Variants in LEKR1 observed in about 807,000 individuals in gnomAD.
LEKR1 encodes leucine, glutamate and lysine rich 1.
LEKR1 carries 59 observed loss-of-function variants against 72.4 expected under a neutral mutation model. That is an observed-to-expected ratio of 0.82 (90% CI 0.66 to 1.01). The LOEUF is 1.01. Ranked by LOEUF, LEKR1 falls within the 50% of genes least tolerant of loss-of-function variation. LEKR1 has a pLI of 0.00. For missense variants in LEKR1, 728 were observed against 759.2 expected (o/e 0.96, Z 0.48); for synonymous variants, 257 against 263.2 (o/e 0.98, Z 0.23).
intron 3 of LEKR1, among the ~76,000 whole-genome samples, chr3:156,870,169 G>A (rs1297576561): frequency 2.0e-5 from 3 of 151,954 alleles, no homozygotes; most frequent in African/African-American, 7.2e-5. Context: ...TTTTGCTCAG[G>A]ATTGCTTTGG....
chr3:156,957,329 C>CTGTATATCAGTTATATATAT (rs1476586850), intron 6 of LEKR1, among the ~76,000 whole-genome samples: 8 of 151,898 alleles, frequency 5.3e-5, no homozygotes, highest in Non-Finnish European at 1.0e-4. Context: ...ATTACAGTTA[C>CTGTATATCAGTTATATATAT]ATCAGAATAG....
At chr3:156,963,756 A>C (rs990759217) in intron 6 of LEKR1, among the ~76,000 whole-genome samples, 2 of 152,218 alleles carry the variant, frequency 1.3e-5, no homozygotes, top group African/African-American at 4.8e-5. Flanking sequence ...AAATGAAATT[A>C]CTAAGGCCTA....
chr3:156,997,291 T>A (rs12494440), intron 9 of LEKR1, among the ~76,000 whole-genome samples: 14,233 of 152,224 alleles, frequency 0.094, 740 homozygotes, highest in African/African-American at 0.13. Context: ...TTCCACTTTT[T>A]TCCTTCAGTA....
intron 3 of LEKR1, among the ~76,000 whole-genome samples, chr3:156,871,489 G>A (rs1319368603): frequency 6.6e-6 from 1 of 152,136 alleles, no homozygotes; most frequent in Non-Finnish European, 1.5e-5. Flanking sequence ...GGATGGCTGG[G>A]TCAAATGGTA....
chr3:157,019,406 A>G (rs1303504033), intron 10 of LEKR1, among the ~76,000 whole-genome samples: 1 of 152,216 alleles, frequency 6.6e-6, no homozygotes, highest in African/African-American at 2.4e-5. Flanking sequence ...TTTAAAAACA[A>G]TGCTCTGAAT....
At chr3:157,024,658 T>A in intron 10 of LEKR1, 102 bp from the exon 11 acceptor site, 1 of 903,338 alleles carries the variant, frequency 1.1e-6, no homozygotes, top group South Asian at 1.7e-5. Flanking sequence ...TAATTAAAAA[T>A]TTAATGTCAG....
At chr3:156,974,088 G>A (rs932497875) in intron 6 of LEKR1, among the ~76,000 whole-genome samples, 2 of 152,010 alleles carry the variant, frequency 1.3e-5, no homozygotes, top group Non-Finnish European at 2.9e-5. Context: ...TTCATTGTAG[G>A]ATTATTTATG....
At chr3:156,981,157 A>G (rs1730167172) in intron 7 of LEKR1, among the ~76,000 whole-genome samples, 1 of 152,156 alleles carries the variant, frequency 6.6e-6, no homozygotes, top group South Asian at 2.1e-4. Context: ...AGGTTATTCC[A>G]TCTTGGTTTG....
intron 2 of LEKR1, among the ~76,000 whole-genome samples, chr3:156,834,996 G>A (rs344076): frequency 0.34 from 50,991 of 152,018 alleles, 11,179 homozygotes; most frequent in African/African-American, 0.62. Context: ...AGTTCTTTAT[G>A]TAAACATCCC....
chr3:156,960,899 C>G (rs1728073287), intron 6 of LEKR1, among the ~76,000 whole-genome samples: 1 of 152,100 alleles, frequency 6.6e-6, no homozygotes, highest in South Asian at 2.1e-4. Context: ...TTATGTTTAG[C>G]TCACACTAAT....
At chr3:156,987,606 CT>C (rs1730806481) in intron 7 of LEKR1, among the ~76,000 whole-genome samples, 1 of 152,184 alleles carries the variant, frequency 6.6e-6, no homozygotes, top group Non-Finnish European at 1.5e-5. Context: ...ATATATTCTT[CT>C]AGTCCATTTT....
At chr3:156,835,165 T>C (rs982197446) in intron 2 of LEKR1, among the ~76,000 whole-genome samples, 3 of 152,206 alleles carry the variant, frequency 2.0e-5, no homozygotes, top group African/African-American at 4.8e-5. Flanking sequence ...AACTCTAAAT[T>C]TGCATTTCTA....
At chr3:156,877,731 CT>C (rs564974534) in intron 3 of LEKR1, among the ~76,000 whole-genome samples, 125 of 152,118 alleles carry the variant, frequency 8.2e-4, no homozygotes, top group African/African-American at 2.8e-3. Context: ...CACTAATAGC[CT>C]GTCAATTTTA....
At chr3:157,004,850 AAAG>A (rs1732290035) in intron 9 of LEKR1, among the ~76,000 whole-genome samples, 1 of 152,062 alleles carries the variant, frequency 6.6e-6, no homozygotes, top group Non-Finnish European at 1.5e-5. Context: ...CTATGTGAAA[AAAG>A]AAAAAAAGGT....
chr3:156,980,739 C>T (rs1488045348), intron 7 of LEKR1, among the ~76,000 whole-genome samples: 1 of 152,096 alleles, frequency 6.6e-6, no homozygotes, highest in Admixed American at 6.6e-5. Context: ...TAGCACACAA[C>T]TAAGCTAAGA....
At chr3:156,841,690 A>G (rs537913614) in intron 2 of LEKR1, among the ~76,000 whole-genome samples, 4 of 152,246 alleles carry the variant, frequency 2.6e-5, no homozygotes, top group African/African-American at 7.2e-5. Flanking sequence ...GAATATGTAT[A>G]TACATCCCAA....
chr3:156,848,989 A>T (rs1245555262), intron 2 of LEKR1, among the ~76,000 whole-genome samples: 1 of 152,182 alleles, frequency 6.6e-6, no homozygotes, highest in East Asian at 1.9e-4. Context: ...AGATGACATG[A>T]TTGTATATCT....
At chr3:156,873,454 T>C (rs1718199646) in intron 3 of LEKR1, among the ~76,000 whole-genome samples, 1 of 152,106 alleles carries the variant, frequency 6.6e-6, no homozygotes, top group Non-Finnish European at 1.5e-5. Context: ...TTCTTGTCAT[T>C]GATTTCTGGT....
intron 3 of LEKR1, among the ~76,000 whole-genome samples, chr3:156,869,229 T>C (rs764525089): frequency 6.6e-6 from 1 of 152,126 alleles, no homozygotes; most frequent in Admixed American, 6.6e-5. Flanking sequence ...GTGGGATTGC[T>C]AGATTGTATG....
Sources: allele counts gnomAD v4.1 joint callset (sites outside exome capture counted in the v4.1 genomes callset), GRCh38; gene constraint gnomAD v4.1.1; transcripts MANE v1.5; gene names NCBI Gene and HGNC (gene_info 2026-07-23, HGNC 2026-07-21).